The following SH3TC1 variants were observed in gnomAD, a reference collection of about 807,000 sequenced individuals.
SH3TC1 encodes the protein SH3 domain and tetratricopeptide repeats 1, also known as SH3 domain and tetratricopeptide repeat-containing protein 1.
A neutral mutation model predicts 117.3 loss-of-function variants in SH3TC1; 135 were observed. That is an observed-to-expected ratio of 1.15 (90% CI 1.00 to 1.33). The LOEUF (loss-of-function observed/expected upper bound fraction) is 1.33. Among genes scored for constraint, SH3TC1 ranks in the 40% most tolerant of loss-of-function variants. The probability of loss-of-function intolerance (pLI) is 0.00; values close to 1 mark genes in which losing one functional copy is unlikely to be tolerated. For synonymous variants in SH3TC1, 898 were observed against 816.9 expected (o/e 1.10, Z -1.69); for missense variants, 2,092 against 1,794.3 (o/e 1.17, Z -3.00).
intron 1 of SH3TC1, among the ~76,000 whole-genome samples, chr4:8,194,220 A>C (rs1464698872): frequency 6.6e-6 from 1 of 152,212 alleles, no homozygotes; most frequent in Non-Finnish European, 1.5e-5. Flanking sequence ...CCACAGCTGA[A>C]GGGTGTGGCT....
intron 8 of SH3TC1, among the ~76,000 whole-genome samples, chr4:8,218,924 C>T (rs1425894627): frequency 3.9e-5 from 6 of 152,120 alleles, no homozygotes; most frequent in African/African-American, 1.4e-4. Context: ...CTGCCGGTGT[C>T]TGGGTGGCCT....
chr4:8,221,552 T>C (rs1469727843), intron 9 of SH3TC1, among the ~76,000 whole-genome samples: 1 of 152,226 alleles, frequency 6.6e-6, no homozygotes. Context: ...GCACAAATGT[T>C]AACATGTTAT....
intron 17 of SH3TC1, among the ~76,000 whole-genome samples, chr4:8,238,045 G>C (rs767237952): frequency 2.0e-5 from 3 of 152,144 alleles, no homozygotes; most frequent in Non-Finnish European, 2.9e-5. Flanking sequence ...AGGACATTTG[G>C]GGGGATGGCA....
intron 16 of SH3TC1, 73 bp from the exon 17 acceptor site, chr4:8,237,401 G>A: frequency 1.5e-6 from 2 of 1,301,776 alleles, no homozygotes; most frequent in Non-Finnish European, 2.0e-6. Flanking sequence ...AGGCGAGCCA[G>A]GTGCTGCCGG....
At chr4:8,232,839 T>G in intron 13 of SH3TC1, 1 of 1,270,744 alleles carries the variant, frequency 7.9e-7, no homozygotes, top group Non-Finnish European at 1.0e-6. Flanking sequence ...TGGGCCAGTG[T>G]GTTAGAGCCA....
In SH3TC1 at chr4:8,237,429, C is replaced by T. The variant is rs374408469; in HGVS notation, c.3557-45C>T. The T allele has an allele frequency of 4.2e-3, 6,059 of 1,445,536 alleles. 24 individuals carry two copies. The highest frequency in any genetic ancestry group is 4.7e-3 in the Non-Finnish European group (5,193 of 1,097,300). The allele number at this position is 1,445,536 out of a possible 1,614,324, so 89.5% of individuals were successfully genotyped here. A position where few individuals can be genotyped will look rare whatever the true frequency, so the allele number is the denominator to read the frequency against. ...GCTGCCGGGGTCTGCATGCCTGCCC[C>T]GGGGAGCCACGTCCTCACACCTGCC... On this transcript the variant is annotated intron_variant, in intron 16 of 17. Coordinates refer to ENST00000245105, the MANE Select transcript of SH3TC1 (RefSeq NM_018986.5).
chr4:8,187,665 T>C (rs953687345), intron 1 of SH3TC1, among the ~76,000 whole-genome samples: 2 of 151,948 alleles, frequency 1.3e-5, no homozygotes, highest in African/African-American at 4.8e-5. Context: ...AATTCTTCTG[T>C]GGCAGCTGCC....
At chr4:8,197,738 A>G (rs983944726), upstream of SH3TC1, among the ~76,000 whole-genome samples, 1 of 151,972 alleles carries the variant, frequency 6.6e-6, no homozygotes, top group Non-Finnish European at 1.5e-5. Context: ...GGGCATGCCT[A>G]GGGCATCTGC....
rs143156603 is a variant in SH3TC1, at chr4:8,227,654, C to T, written c.1960C>T (p.Arg654Trp). 4,006 of 1,527,092 alleles carry T rather than the reference C, an allele frequency of 2.6e-3. 10 individuals carry two copies. Among genetic ancestry groups the T allele is most frequent in the Non-Finnish European group, 2.9e-3 (3,264 of 1,139,436 alleles). 94.6% of individuals were successfully genotyped at this position (1,527,092 alleles called of 1,614,324 possible). ...EGELLQLALRRAVGGQSLQAE... is the reference protein window; with the variant it reads ...EGELLQLALRWAVGGQSLQAE... The stretch of plus-strand genomic sequence containing the variant: ...GGAGCTCCTGCAGCTGGCGCTGCGG[C>T]GGGCGGTGGGTGGCCAGAGCCTGCA... Residue 654 changes from arginine to tryptophan, a missense_variant, in exon 12 of 18, where the codon CGG (arginine) becomes TGG (tryptophan). Arg to Trp is a moderately radical substitution (Grantham distance 101). Transcript: ENST00000245105.
intron 3 of SH3TC1, 38 bp from the exon 4 acceptor site, chr4:8,212,663 G>A (rs370117010): frequency 4.3e-6 from 7 of 1,612,210 alleles, no homozygotes; most frequent in Non-Finnish European, 5.9e-6. Context: ...TCCCAGCCCA[G>A]GTCAGACCAA....
intron 1 of SH3TC1, among the ~76,000 whole-genome samples, chr4:8,185,829 G>T (rs1432519716): frequency 2.0e-5 from 3 of 152,204 alleles, no homozygotes; most frequent in Non-Finnish European, 4.4e-5. Flanking sequence ...CCAGGAGTGG[G>T]GTTGCTGGGC....
Position 8,225,071 on chromosome 4 carries a change from C to T in SH3TC1, c.1244-104C>T. The T allele has an allele frequency of 7.2e-7, 1 of 1,383,592 alleles. No homozygotes were observed. Among genetic ancestry groups the T allele is most frequent in the Non-Finnish European group, 1.0e-6 (1 of 990,546 alleles). The allele number at this position is 1,383,592 out of a possible 1,614,324, so 85.7% of individuals were successfully genotyped here. A position where few individuals can be genotyped will look rare whatever the true frequency, so the allele number is the denominator to read the frequency against. ...AACATCTCAGCCCTCAATACCTGCA[C>T]CCAGCAATGCTCTCACCCTGCAACA... On this transcript the variant is annotated intron_variant, in intron 10 of 17. Transcript: ENST00000245105. The surrounding 1 kb of genome is among the most constrained non-coding windows in gnomAD (Gnocchi z 5.5).
chr4:8,213,216 T>G, intron 4 of SH3TC1: 1 of 186,094 alleles, frequency 5.4e-6, no homozygotes. Context: ...CTTCTGCACA[T>G]ACCAGCCTTC....
chr4:8,229,107 G>A (rs942365000), intron 12 of SH3TC1: 5 of 161,652 alleles, frequency 3.1e-5, no homozygotes, highest in African/African-American at 7.2e-5. Context: ...AGGGGCGGGT[G>A]GTTACCCAAA....
Position 8,183,113 on chromosome 4 carries a change from C to G in SH3TC1, c.-57+903C>G, listed in dbSNP as rs1292680051. On this transcript the variant is annotated intron_variant, in intron 1 of 16. Coordinates refer to the SH3TC1 transcript ENST00000508641. This position sits in a 1 kb window ranked among gnomAD's most constrained non-coding sequence, Gnocchi z 5.4. ...GGGGCCTCTGTGAGCCTCAGTTTCTCAGCATGCCATCCGCCTGGCGACCTT... is the reference window on the plus strand; with the variant it reads ...GGGGCCTCTGTGAGCCTCAGTTTCTGAGCATGCCATCCGCCTGGCGACCTT... Among the ~76,000 whole-genome samples the G allele has an allele frequency of 6.6e-6, 1 of 152,172 alleles. No individual in the cohort carries two copies. The highest frequency in any genetic ancestry group is 1.9e-4 in the East Asian group (1 of 5,194).
In SH3TC1 at chr4:8,227,709, C is replaced by T; in HGVS notation, c.2015C>T (p.Ala672Val). 6.4e-7 allele frequency: 1 copy of T among 1,572,446 alleles called. No individual in the cohort carries two copies. Among genetic ancestry groups the T allele is most frequent in the Admixed American group, 1.7e-5 (1 of 57,462 alleles). The change falls in exon 12 of 18, where the codon GCC becomes GTC. Residue 672 changes from alanine to valine, a missense_variant. Physicochemically the swap from Ala to Val is moderately conservative, Grantham distance 64. Coordinates refer to ENST00000245105, the MANE Select transcript of SH3TC1 (RefSeq NM_018986.5). ...QAEARACFLL[A>V]RHHVHLKQPE... ...GAGGCCCGGGCCTGCTTCCTGCTGGCCAGGCACCACGTGCACCTCAAGCAG... is the reference window on the plus strand; with the variant it reads ...GAGGCCCGGGCCTGCTTCCTGCTGGTCAGGCACCACGTGCACCTCAAGCAG...
At position 8,237,495 on chromosome 4, in the gene SH3TC1, T is replaced by G; in HGVS notation, c.3578T>G (p.Val1193Gly). Residue 1193 changes from valine (V) to glycine (G), a missense_variant, in exon 17 of 18, where the codon GTG (valine) becomes GGG (glycine). Coordinates refer to ENST00000245105, the MANE Select transcript of SH3TC1 (RefSeq NM_018986.5). ...CCAGGGGACCGGCTGAACGAGCGCG[T>G]GGCCTACCACCGGCTGGCCGCCCTG... is the stretch of plus-strand genomic sequence containing the variant. The part of the protein sequence containing the change: ...ITLGDRLNER[V>G]AYHRLAALQH... The G allele has an allele frequency of 6.3e-7, 1 of 1,597,822 alleles. No individual in the cohort carries two copies. The highest frequency in any genetic ancestry group is 2.3e-5 in the East Asian group (1 of 44,344).
At position 8,228,366 on chromosome 4, in the gene SH3TC1, G is replaced by A. The variant is rs140634088; in HGVS notation, c.2672G>A (p.Arg891Gln). 86 of 1,611,408 alleles carry A rather than the reference G, an allele frequency of 5.3e-5. No homozygotes were observed. Among genetic ancestry groups the A allele is most frequent in the African/African-American group, 2.7e-4 (20 of 74,948 alleles). The change falls in exon 12 of 18, where the codon CGG (arginine) becomes CAG (glutamine). Residue 891 changes from arginine to glutamine, a missense_variant. Transcript: ENST00000245105. ...QAAESYYRAL[R>Q]VARDLGQQRN... ...GCTGAGAGCTACTACCGCGCCCTGC[G>A]GGTGGCTCGGGACCTGGGCCAGCAA...
chr4:8,215,860 G>C (rs774735191), intron 5 of SH3TC1, among the ~76,000 whole-genome samples: 4 of 152,252 alleles, frequency 2.6e-5, no homozygotes. Context: ...GGCGTGGAGA[G>C]GTCAGATAAC....
Sources: gnomAD v4.1 joint callset for allele counts (sites outside exome capture counted in the v4.1 genomes callset) on GRCh38, gnomAD v4.1.1 for gene constraint, Gnocchi (gnomAD v3.1) non-coding constraint, MANE v1.5 for transcripts, NCBI Gene and HGNC (gene_info 2026-07-23, HGNC 2026-07-21) for gene names.